Variants in SYNE1 observed in about 807,000 individuals in gnomAD.
The protein encoded by SYNE1 is nesprin-1.
Under a neutral mutation model 1,111.0 loss-of-function variants are expected in SYNE1, and 616 were observed. The observed-to-expected ratio is 0.55, with a 90% CI of 0.52 to 0.59. The LOEUF is 0.59. Among genes scored for constraint, SYNE1 ranks in the 20% least tolerant of loss-of-function variants. SYNE1 has a pLI of 0.00. For synonymous variants in SYNE1, 3,855 were observed against 3,825.8 expected, an observed-to-expected ratio of 1.01 and a Z score of -0.28; for missense variants, 10,006 against 10,417.0, an observed-to-expected ratio of 0.96 and a Z score of 1.72.
At chr6:152,432,943 C>A (rs147438356) in intron 34 of SYNE1, among the ~76,000 whole-genome samples, 49 of 152,186 alleles carry the variant, frequency 3.2e-4, no homozygotes, top group Non-Finnish European at 1.5e-5. Context: ...ATCTGCACAG[C>A]GGGTAATCTT....
At position 152,225,829 on chromosome 6, in the gene SYNE1, A is replaced by T; in HGVS notation, c.21243T>A (p.Ile7081=). ...IKAKEKEVEK[I]EQNGLALIQN... ...GAATCAAAGCAAGTCCATTCTGCTC[A>T]ATTTTCTCTACTTCTTTTTCTTTTG... The change falls in exon 116 of 146, where the codon ATT becomes ATA. Residue 7081 remains isoleucine (I), a synonymous_variant. Transcript: ENST00000367255. 1 of 1,613,928 alleles carries T rather than the reference A, an allele frequency of 6.2e-7. No individual in the cohort carries two copies. The highest frequency in any genetic ancestry group is 8.5e-7 in the Non-Finnish European group (1 of 1,179,952).
rs765499728 is a variant in SYNE1, at chr6:152,413,270, C to T, written c.6230+82G>A. Reference sequence around the variant, plus strand: ...GTAAAAGATATTTAACTACTGATCACATCAACACAAAACAGGCAATGTCCC... The same window carrying T: ...GTAAAAGATATTTAACTACTGATCATATCAACACAAAACAGGCAATGTCCC... On this transcript the variant is annotated intron_variant, in intron 42 of 145. Transcript: ENST00000367255. 138 of 1,399,426 alleles carry T rather than the reference C, an allele frequency of 9.9e-5. No individual in the cohort carries two copies. The Middle Eastern group carries it at 1.8e-3, about 18-fold the overall frequency. 86.7% of individuals were successfully genotyped at this position (1,399,426 alleles called of 1,614,324 possible). A position where few individuals can be genotyped will look rare whatever the true frequency, so the allele number is the denominator to read the frequency against.
intron 58 of SYNE1, 116 bp from the exon 59 acceptor site, chr6:152,373,335 A>G: frequency 3.2e-6 from 3 of 949,544 alleles, no homozygotes; most frequent in Non-Finnish European, 4.6e-6. Context: ...GCTGGAGTGC[A>G]GTAGTGCGAT....
intron 3 of SYNE1, among the ~76,000 whole-genome samples, chr6:152,599,694 A>C (rs1048366852): frequency 2.0e-5 from 3 of 152,232 alleles, no homozygotes; most frequent in Admixed American, 2.0e-4. Flanking sequence ...GTAAGAATTA[A>C]AATCCATTGG....
At chr6:152,400,313 A>G (rs1340053286) in intron 47 of SYNE1, among the ~76,000 whole-genome samples, 2 of 152,210 alleles carry the variant, frequency 1.3e-5, no homozygotes, top group African/African-American at 4.8e-5. Context: ...AAGTCAACTC[A>G]GTGCTTGTCC....
At chr6:152,332,924 G>A (rs1298473945) in intron 77 of SYNE1, among the ~76,000 whole-genome samples, 1 of 152,184 alleles carries the variant, frequency 6.6e-6, no homozygotes, top group Middle Eastern at 3.2e-3. Context: ...TCAGGTGTCT[G>A]TGGGGCCTAC....
chr6:152,148,339 C>G lies in SYNE1; in HGVS notation c.24682G>C (p.Glu8228Gln). 5.0e-6 allele frequency: 8 copies of G among 1,614,174 alleles called. No individual in the cohort carries two copies. The highest frequency in any genetic ancestry group is 6.8e-6 in the Non-Finnish European group (8 of 1,180,022). Residue 8228 changes from glutamate (E) to glutamine (Q), a missense_variant, in exon 137 of 146, where the codon GAG becomes CAG. Coordinates refer to ENST00000367255, the MANE Select transcript of SYNE1 (RefSeq NM_182961.4). This position sits in a 1 kb window ranked among gnomAD's most constrained non-coding sequence, Gnocchi z 4.1. Reference protein sequence around the residue: ...DEHDLSDRELELEDSAALSDL... With the variant: ...DEHDLSDRELQLEDSAALSDL... ...GACAGAGCTGCAGAGTCTTCCAGCTCCAGCTCCCTGTCTGAGAGGTCGTGC... is the reference window on the plus strand; with the variant it reads ...GACAGAGCTGCAGAGTCTTCCAGCTGCAGCTCCCTGTCTGAGAGGTCGTGC...
chr6:152,157,664 A>G (rs1056349061), intron 131 of SYNE1, among the ~76,000 whole-genome samples: 2 of 152,168 alleles, frequency 1.3e-5, no homozygotes, highest in Non-Finnish European at 2.9e-5. Flanking sequence ...ATGTAACAAA[A>G]TATCATATGT....
At chr6:152,594,045 T>C (rs1311192768) in intron 3 of SYNE1, among the ~76,000 whole-genome samples, 2 of 151,982 alleles carry the variant, frequency 1.3e-5, no homozygotes, top group Non-Finnish European at 2.9e-5. Context: ...CCCCATCCCA[T>C]TCTGCTCAAT....
rs1051330261 is a variant in SYNE1, at chr6:152,336,888, A to G, written c.12481T>C (p.Ser4161Pro). ...QQLQNMKRRH[S>P]ELELNIAQNM... is the part of the protein sequence containing the mutation. ...TGTGCAATGTTCAGCTCCAGCTCAG[A>G]GTGCCTCCTCTTCATGTTCTGCAGT... Residue 4161 changes from serine to proline, a missense_variant, in exon 76 of 146, where the codon TCT becomes CCT. Ser to Pro is a moderately conservative substitution (Grantham distance 74, BLOSUM62 -1). This residue lies in a region of SYNE1 where 4,955 missense variants were observed against 5,017.2 expected (regional missense o/e 0.99). Coordinates refer to ENST00000367255, the MANE Select transcript of SYNE1 (RefSeq NM_182961.4). 6.2e-7 allele frequency: 1 copy of G among 1,614,102 alleles called. No individual in the cohort carries two copies. The highest frequency in any genetic ancestry group is 8.5e-7 in the Non-Finnish European group (1 of 1,180,028).
Position 152,354,974 on chromosome 6 carries a change from C to T in SYNE1, c.10611G>A (p.Glu3537=). 2 of 1,613,766 alleles carry T rather than the reference C, an allele frequency of 1.2e-6. No homozygotes were observed. Among genetic ancestry groups the T allele is most frequent in the Non-Finnish European group, 1.7e-6 (2 of 1,180,034 alleles). The change falls in exon 67 of 146, where the codon GAG becomes GAA. Residue 3537 remains glutamate, a splice_region_variant and synonymous_variant. Coordinates refer to ENST00000367255, the MANE Select transcript of SYNE1 (RefSeq NM_182961.4). ...GCCCCTCTGCACAGTGTACCTGTAG[C>T]TCCTGCAGAGAAAAAGGTATGGCTG... ...THETTLRDLQ[E]LQVHCAEGQA...
rs757646961 is a variant in SYNE1 at position 152,539,966 on chromosome 6, C to T, written c.123G>A (p.Leu41=). The T allele has an allele frequency of 7.4e-6, 12 of 1,613,890 alleles. No individual in the cohort carries two copies. The highest frequency in any genetic ancestry group is 6.7e-5 in the Admixed American group (4 of 60,010). ...GCTGGGTAGTTTCCTTTACCTTGGC[C>T]AGATGAGAGTTGATCCATTTTGTGA... ...RTFTKWINSH[L]AKRKPPMVVD... Residue 41 remains leucine (L), a synonymous_variant, in exon 4 of 146, where the codon CTG becomes CTA. Transcript: ENST00000367255.
At chr6:152,269,394 T>C in intron 98 of SYNE1, 108 bp from the exon 99 acceptor site, 1 of 1,555,454 alleles carries the variant, frequency 6.4e-7, no homozygotes, top group Non-Finnish European at 8.8e-7. Flanking sequence ...CCAAAGTGGC[T>C]CCACTGGGAT....
rs558766599 is a variant in SYNE1 at position 152,284,251 on chromosome 6, T to C, written c.18013-79A>G. ...TCATTAGCACTAGCTGAGTCTCACA[T>C]CCATTGGGATTAGCGGAAGAGATTT... On this transcript the variant is annotated intron_variant, in intron 95 of 145. Coordinates refer to ENST00000367255, the MANE Select transcript of SYNE1 (RefSeq NM_182961.4). 19 of 1,426,368 alleles carry C rather than the reference T, an allele frequency of 1.3e-5. No homozygotes were observed. The African/African-American group carries it at 2.7e-4, about 20-fold the overall frequency. The allele number at this position is 1,426,368 out of a possible 1,614,324, so 88.4% of individuals were successfully genotyped here. A position where few individuals can be genotyped will look rare whatever the true frequency, so the allele number is the denominator to read the frequency against.
In SYNE1 at chr6:152,184,631, TATAGATAGATAG is replaced by T. The variant is rs59272369; in HGVS notation, c.23302-4349_23302-4338del. ...ACTAAGCAGCTGGATTATACACATA[TATAGATAGATAG>T]ATAGATAGATAGATAGATAGATAGA... On this transcript the variant is annotated intron_variant, in intron 128 of 145. Coordinates refer to ENST00000367255, the MANE Select transcript of SYNE1 (RefSeq NM_182961.4). Among the ~76,000 whole-genome samples, 218 of 143,024 alleles carry T rather than the reference TATAGATAGATAG, an allele frequency of 1.5e-3. 2 individuals carry two copies. The highest frequency in any genetic ancestry group is 9.2e-3 in the East Asian group (45 of 4,890). The allele number at this position is 143,024 out of a possible 152,430, so 93.8% of individuals were successfully genotyped here. A position where few individuals can be genotyped will look rare whatever the true frequency, so the allele number is the denominator to read the frequency against.
At chr6:152,188,957 C>CAAAA (rs1159424311) in intron 128 of SYNE1, among the ~76,000 whole-genome samples, 62 of 49,066 alleles carry the variant, frequency 1.3e-3, no homozygotes, top group East Asian at 1.9e-3. Context: ...GACTCTGTCT[C>CAAAA]AAAAAAAAAA....
chr6:152,615,256 TA>T (rs1237454399), intron 3 of SYNE1, among the ~76,000 whole-genome samples: 2 of 152,184 alleles, frequency 1.3e-5, no homozygotes, highest in Non-Finnish European at 2.9e-5. Flanking sequence ...GTTTGCTTTT[TA>T]AAAAATGCAG....
At chr6:152,450,918 C>T in intron 26 of SYNE1, 85 bp from the exon 27 acceptor site, 1 of 1,593,766 alleles carries the variant, frequency 6.3e-7, no homozygotes, top group South Asian at 1.1e-5. Flanking sequence ...AAGGAAGATT[C>T]CCACGCAGAC....
intron 93 of SYNE1, 23 bp from the exon 94 acceptor site, chr6:152,294,150 T>C: frequency 1.9e-6 from 3 of 1,610,976 alleles, no homozygotes; most frequent in Non-Finnish European, 2.5e-6. Flanking sequence ...AGCACAGTAT[T>C]GAATTAAACA....
Sources: gnomAD v4.1 joint callset for allele counts (sites outside exome capture counted in the v4.1 genomes callset) on GRCh38, gnomAD v4.1.1 for gene constraint, gnomAD v4.1.1 regional missense constraint, Gnocchi (gnomAD v3.1) non-coding constraint, MANE v1.5 for transcripts, NCBI Gene and HGNC (gene_info 2026-07-23, HGNC 2026-07-21) for gene names.